SMARCA2: variants seen among roughly 807,000 people sequenced by gnomAD.
The protein encoded by SMARCA2 is SWI/SNF-related matrix-associated actin-dependent regulator of chromatin subfamily A member 2.
Under a neutral mutation model 199.8 loss-of-function variants are expected in SMARCA2, and 61 were observed. The ratio of observed to expected loss-of-function variants is 0.31; its 90% CI spans 0.25 to 0.38. The LOEUF (loss-of-function observed/expected upper bound fraction) is 0.38, where lower values mean the gene tolerates loss of function less well. Among genes scored for constraint, SMARCA2 ranks in the 10% least tolerant of loss-of-function variants. The pLI, the probability that SMARCA2 is intolerant of heterozygous loss-of-function variation, is 1.00. For synonymous variants in SMARCA2, 935 were observed against 732.0 expected, an observed-to-expected ratio of 1.28 and a Z score of -4.48; for missense variants, 1,344 against 2,012.2, an observed-to-expected ratio of 0.67 and a Z score of 6.35.
intron 27 of SMARCA2, among the ~76,000 whole-genome samples, chr9:2,127,156 C>T (rs778288307): frequency 6.6e-6 from 1 of 152,134 alleles, no homozygotes; most frequent in South Asian, 2.1e-4. Flanking sequence ...TAATTGTCCT[C>T]TTAACATTTC....
chr9:2,095,487 A>G (rs933184348), intron 19 of SMARCA2, among the ~76,000 whole-genome samples: 8 of 152,214 alleles, frequency 5.3e-5, no homozygotes, highest in Non-Finnish European at 1.2e-4. Flanking sequence ...ATACTTATTG[A>G]TTAATCTTGG....
In SMARCA2 at chr9:2,029,391, C is replaced by T. The variant is rs148650539; in HGVS notation, c.225+144C>T. ...TGTATATCTCATATATTATTAAAAA[C>T]GCATATTGTGAGGTACTTTTATTGC... On this transcript the variant is annotated intron_variant, in intron 2 of 33. Transcript: ENST00000349721. 48 of 1,212,764 alleles carry T rather than the reference C, an allele frequency of 4.0e-5. No individual in the cohort carries two copies. The African/African-American group carries it at 4.5e-4, about 11-fold the overall frequency. 75.1% of individuals were successfully genotyped at this position (1,212,764 alleles called of 1,614,324 possible). A position where few individuals can be genotyped will look rare whatever the true frequency, so the allele number is the denominator to read the frequency against.
intron 18 of SMARCA2, 184 bp downstream of exon 18, chr9:2,087,255 G>A: frequency 1.5e-6 from 1 of 663,714 alleles, no homozygotes; most frequent in Non-Finnish European, 2.5e-6. Context: ...CTAGGAAAAT[G>A]GATCTAGTGG....
chr9:2,037,037 C>T (rs972757504), intron 3 of SMARCA2, among the ~76,000 whole-genome samples: 6 of 152,076 alleles, frequency 3.9e-5, no homozygotes, highest in African/African-American at 7.2e-5. Context: ...AAGCCCTGGT[C>T]GTATCTCTTC....
At chr9:2,154,620 C>T (rs548688968) in intron 27 of SMARCA2, among the ~76,000 whole-genome samples, 14 of 152,176 alleles carry the variant, frequency 9.2e-5, no homozygotes, top group Non-Finnish European at 1.9e-4. Context: ...TCCTCATGGA[C>T]GGCCTATCCC....
intron 11 of SMARCA2, 28 bp downstream of exon 11, chr9:2,073,370 G>A (rs1464347459): frequency 3.1e-6 from 5 of 1,613,030 alleles, no homozygotes; most frequent in Non-Finnish European, 3.4e-6. Flanking sequence ...CGTTCATGGT[G>A]TTCTTTTAGC....
rs1823171214 is a variant in SMARCA2, at chr9:2,115,329, C to T, written c.3457-493C>T. On this transcript the variant is annotated intron_variant, in intron 24 of 33. Coordinates refer to ENST00000349721, the MANE Select transcript of SMARCA2 (RefSeq NM_003070.5). The surrounding 1 kb of genome is among the most constrained non-coding windows in gnomAD (Gnocchi z 6.0). ...CGAGGAAATTGACTACCTGAGCAGT[C>T]AGTGTGTGTGTATGTGTGTGTGTGG... Among the ~76,000 whole-genome samples, 2 of 152,070 alleles carry T rather than the reference C, an allele frequency of 1.3e-5. No individual in the cohort carries two copies. The highest frequency in any genetic ancestry group is 4.8e-5 in the African/African-American group (2 of 41,412).
At chr9:2,070,546 T>A in intron 10 of SMARCA2, 75 bp downstream of exon 10, 2 of 1,037,842 alleles carry the variant, frequency 1.9e-6, no homozygotes, top group Non-Finnish European at 3.0e-6. Flanking sequence ...CCATTCTTCA[T>A]GCATACTATT....
At chr9:2,015,924 C>T (rs1031088740) in intron 1 of SMARCA2, 1 of 152,452 alleles carries the variant, frequency 6.6e-6, no homozygotes, top group Non-Finnish European at 1.5e-5. Flanking sequence ...GATGGAAACG[C>T]TACTGTTCAT....
intron 1 of SMARCA2, among the ~76,000 whole-genome samples, chr9:2,022,904 A>C (rs1363469467): frequency 6.6e-6 from 1 of 152,200 alleles, no homozygotes; most frequent in Non-Finnish European, 1.5e-5. Flanking sequence ...TTTGGGTTCC[A>C]CTGAATTTTA....
intron 27 of SMARCA2, among the ~76,000 whole-genome samples, chr9:2,152,390 C>T (rs141653700): frequency 2.6e-5 from 4 of 151,836 alleles, no homozygotes; most frequent in Admixed American, 6.6e-5. Flanking sequence ...CCCATCTTTA[C>T]TGAAAATACA....
At chr9:2,025,155 C>G (rs1321754846) in intron 1 of SMARCA2, among the ~76,000 whole-genome samples, 1 of 152,130 alleles carries the variant, frequency 6.6e-6, no homozygotes, top group Non-Finnish European at 1.5e-5. Context: ...GGGGCCTCTT[C>G]TTTTTAAAAA....
intron 29 of SMARCA2, among the ~76,000 whole-genome samples, chr9:2,175,994 C>T (rs981599994): frequency 2.6e-5 from 4 of 152,078 alleles, no homozygotes; most frequent in Non-Finnish European, 5.9e-5. Context: ...GATTCTCCTG[C>T]CTCAGCCTCC....
At chr9:2,156,254 C>T (rs757134211) in intron 27 of SMARCA2, among the ~76,000 whole-genome samples, 1 of 151,976 alleles carries the variant, frequency 6.6e-6, no homozygotes, top group African/African-American at 2.4e-5. Flanking sequence ...AGCAAGATTT[C>T]GCTAATATGT....
chr9:2,079,321 A>G (rs1172618560), intron 14 of SMARCA2, among the ~76,000 whole-genome samples: 1 of 152,222 alleles, frequency 6.6e-6, no homozygotes, highest in Non-Finnish European at 1.5e-5. Context: ...ACCAATTAAC[A>G]TCCTGTAAGA....
intron 27 of SMARCA2, among the ~76,000 whole-genome samples, chr9:2,143,532 G>A (rs955907215): frequency 7.9e-5 from 12 of 152,222 alleles, no homozygotes; most frequent in Non-Finnish European, 1.5e-4. Context: ...CCATTTAAAT[G>A]TGACCCTGTG....
chr9:2,149,620 C>A (rs1049451940), intron 27 of SMARCA2, among the ~76,000 whole-genome samples: 1 of 151,556 alleles, frequency 6.6e-6, no homozygotes, highest in Admixed American at 6.6e-5. Flanking sequence ...TCCCATGATT[C>A]AAATTATCTC....
At chr9:2,174,352 G>GAT (rs1050933096) in intron 29 of SMARCA2, among the ~76,000 whole-genome samples, 1 of 152,108 alleles carries the variant, frequency 6.6e-6, no homozygotes. Flanking sequence ...CAGTTATTTG[G>GAT]ATATATATAT....
intron 27 of SMARCA2, chr9:2,159,771 G>A: frequency 1.3e-6 from 2 of 1,573,072 alleles, no homozygotes; most frequent in Non-Finnish European, 1.7e-6. Context: ...ACTTGTATAT[G>A]AAAACACAGC....
Sources: allele counts gnomAD v4.1 joint callset (sites outside exome capture counted in the v4.1 genomes callset), GRCh38; gene constraint gnomAD v4.1.1; non-coding constraint Gnocchi (gnomAD v3.1); transcripts MANE v1.5; gene names NCBI Gene and HGNC (gene_info 2026-07-23, HGNC 2026-07-21).